The following EPB41L2 variants were observed in gnomAD, a reference collection of about 807,000 sequenced individuals.
EPB41L2 encodes the protein band 4.1-like protein 2.
EPB41L2 carries 43 observed loss-of-function variants against 113.0 expected under a neutral mutation model. The ratio of observed to expected loss-of-function variants is 0.38; its 90% confidence interval spans 0.30 to 0.49. The LOEUF (loss-of-function observed/expected upper bound fraction) is 0.49. Among genes scored for constraint, EPB41L2 ranks in the 20% least tolerant of loss-of-function variants. The pLI is 0.95. For missense variants in EPB41L2, 1,147 were observed against 1,223.4 expected, an observed-to-expected ratio of 0.94 and a Z score of 0.93; for synonymous variants, 442 against 436.7, an observed-to-expected ratio of 1.01 and a Z score of -0.15.
intron 4 of EPB41L2, among the ~76,000 whole-genome samples, chr6:130,910,158 A>G (rs1430677750): frequency 6.6e-6 from 1 of 152,242 alleles, no homozygotes; most frequent in Non-Finnish European, 1.5e-5. Context: ...CCAAAACAGC[A>G]TGGTACTGGT....
chr6:130,856,257 T>C (rs911754957), intron 19 of EPB41L2, among the ~76,000 whole-genome samples: 3 of 152,194 alleles, frequency 2.0e-5, no homozygotes, highest in Non-Finnish European at 4.4e-5. Flanking sequence ...ATATTAACCC[T>C]ATTCAACTAT....
At chr6:130,991,339 C>T (rs1331754450) in intron 1 of EPB41L2, among the ~76,000 whole-genome samples, 1 of 152,168 alleles carries the variant, frequency 6.6e-6, no homozygotes, top group Non-Finnish European at 1.5e-5. Context: ...AGAAACCAAT[C>T]AGTGTAGTAT....
intron 19 of EPB41L2, among the ~76,000 whole-genome samples, chr6:130,840,928 T>A (rs371922549): frequency 6.8e-4 from 104 of 152,250 alleles, no homozygotes; most frequent in African/African-American, 2.3e-3. Context: ...TTTAAAGCTA[T>A]ACTCAGGGAA....
At chr6:130,974,676 T>C (rs1265450473) in intron 1 of EPB41L2, among the ~76,000 whole-genome samples, 9 of 151,068 alleles carry the variant, frequency 6.0e-5, no homozygotes, top group African/African-American at 4.9e-5. Context: ...TCAAAGCCAA[T>C]AGACTTTTCC....
chr6:130,948,072 T>G (rs1250634444), intron 3 of EPB41L2, among the ~76,000 whole-genome samples: 1 of 152,218 alleles, frequency 6.6e-6, no homozygotes, highest in East Asian at 1.9e-4. Context: ...AATGCTGTTT[T>G]TAAGCTTATT....
chr6:130,878,654 G>C (rs1788319656), intron 13 of EPB41L2: 1 of 162,942 alleles, frequency 6.1e-6, no homozygotes, highest in Non-Finnish European at 1.3e-5. Flanking sequence ...TTTCTGATTA[G>C]GACTACTCCT....
chr6:131,035,496 AAAG>A (rs1369475710), intron 1 of EPB41L2, among the ~76,000 whole-genome samples: 3 of 152,354 alleles, frequency 2.0e-5, no homozygotes, highest in African/African-American at 7.2e-5. Flanking sequence ...GATGCAGTCA[AAAG>A]TTATGATCTT....
chr6:131,052,991 G>A (rs1796866659), intron 1 of EPB41L2, among the ~76,000 whole-genome samples: 1 of 152,068 alleles, frequency 6.6e-6, no homozygotes, highest in South Asian at 2.1e-4. Context: ...CACCTCCTGG[G>A]TTCAAGCGAT....
At chr6:130,961,060 C>A (rs1404830693) in intron 1 of EPB41L2, among the ~76,000 whole-genome samples, 2 of 152,128 alleles carry the variant, frequency 1.3e-5, no homozygotes, top group Non-Finnish European at 2.9e-5. Context: ...AGGAGATTTG[C>A]CTGAGATGGT....
intron 10 of EPB41L2, among the ~76,000 whole-genome samples, chr6:130,891,448 CTTACTT>C (rs1448402460): frequency 3.4e-5 from 4 of 117,908 alleles, no homozygotes; most frequent in Non-Finnish European, 7.9e-5. Context: ...TACTTACTTA[CTTACTT>C]ATTTAATTTT....
chr6:130,880,447 C>A (rs533744098), intron 12 of EPB41L2: 153 of 648,282 alleles, frequency 2.4e-4, no homozygotes, highest in Non-Finnish European at 4.0e-4. Flanking sequence ...AGGGAAAACT[C>A]AGCCACCTCT....
intron 1 of EPB41L2, among the ~76,000 whole-genome samples, chr6:131,051,443 A>G (rs1225551779): frequency 1.4e-5 from 2 of 142,130 alleles, no homozygotes; most frequent in African/African-American, 2.8e-5. Flanking sequence ...CAAATTCACA[A>G]AAGTAAAGCA....
At chr6:130,966,402 G>A (rs1656161293) in intron 1 of EPB41L2, among the ~76,000 whole-genome samples, 1 of 152,186 alleles carries the variant, frequency 6.6e-6, no homozygotes, top group African/African-American at 2.4e-5. Flanking sequence ...CGGTATAAGT[G>A]ATAGGTCACT....
intron 1 of EPB41L2, among the ~76,000 whole-genome samples, chr6:130,967,130 T>C (rs1416277771): frequency 2.0e-5 from 3 of 152,124 alleles, no homozygotes; most frequent in Non-Finnish European, 4.4e-5. Flanking sequence ...GGTCCACAGA[T>C]ACCCAAATCC....
At chr6:131,014,416 C>A (rs1300347232) in intron 1 of EPB41L2, among the ~76,000 whole-genome samples, 1 of 152,156 alleles carries the variant, frequency 6.6e-6, no homozygotes, top group Non-Finnish European at 1.5e-5. Context: ...ACAGACTGGT[C>A]ATTTATTTAG....
At chr6:131,023,754 TAGATATATAGATATATAG>T (rs1790146020) in intron 1 of EPB41L2, among the ~76,000 whole-genome samples, 2 of 74,082 alleles carry the variant, frequency 2.7e-5, no homozygotes, top group South Asian at 4.7e-4. Context: ...TATCTATATA[TAGATATATAGATATATAG>T]ATATATAGAT....
In EPB41L2 at chr6:130,903,398, T is replaced by TAAAA. The variant is rs35123540; in HGVS notation, c.929+1063_929+1066dup. Among the ~76,000 whole-genome samples the TAAAA allele has an allele frequency of 3.5e-5, 5 of 142,216 alleles. No individual in the cohort carries two copies. In the South Asian group the frequency reaches 1.1e-3, roughly 32 times the overall value. The allele number at this position is 142,216 out of a possible 152,430, so 93.3% of individuals were successfully genotyped here. A position where few individuals can be genotyped will look rare whatever the true frequency, so the allele number is the denominator to read the frequency against. On this transcript the variant is annotated intron_variant, in intron 6 of 19. Transcript: ENST00000337057. ...CATTCATATTCAGCAACAAGTAGTT[T>TAAAA]AAAAAAAAAAAAAAGGCCGGCCTGC...
At chr6:130,845,869 A>C (rs1428085158) in intron 19 of EPB41L2, among the ~76,000 whole-genome samples, 9 of 152,212 alleles carry the variant, frequency 5.9e-5, no homozygotes, top group African/African-American at 1.9e-4. Flanking sequence ...ACAGAAGTAC[A>C]ACAATGTCTA....
At chr6:130,937,095 G>A (rs749834026) in intron 3 of EPB41L2, among the ~76,000 whole-genome samples, 2 of 152,128 alleles carry the variant, frequency 1.3e-5, no homozygotes, top group Non-Finnish European at 2.9e-5. Flanking sequence ...ATCCCACACA[G>A]TGGGTACATT....
Sources: gnomAD v4.1 joint callset for allele counts (sites outside exome capture counted in the v4.1 genomes callset) on GRCh38, gnomAD v4.1.1 for gene constraint, MANE v1.5 for transcripts, NCBI Gene and HGNC (gene_info 2026-07-23, HGNC 2026-07-21) for gene names.